EDEM1: variants seen among roughly 807,000 people sequenced by gnomAD.
EDEM1 encodes ER degradation enhancing alpha-mannosidase like protein 1, also known as ER degradation-enhancing alpha-mannosidase-like protein 1.
Under a neutral mutation model 74.4 loss-of-function variants are expected in EDEM1, and 67 were observed. The ratio of observed to expected loss-of-function variants is 0.90; its 90% CI spans 0.74 to 1.10. The LOEUF (loss-of-function observed/expected upper bound fraction) is 1.10, where lower values mean the gene tolerates loss of function less well. EDEM1 is among the 50% of genes least tolerant of loss of function. The pLI is 0.00. For synonymous variants in EDEM1, 382 were observed against 335.9 expected, an observed-to-expected ratio of 1.14 and a Z score of -1.50; for missense variants, 926 against 851.6, an observed-to-expected ratio of 1.09 and a Z score of -1.09.
rs1161853358 is a variant in EDEM1, at chr3:5,192,539, G to T, written c.510-2670G>T. Among the ~76,000 whole-genome samples, 3 of 152,190 alleles carry T rather than the reference G, an allele frequency of 2.0e-5. No homozygotes were observed. The East Asian group carries it at 5.8e-4, about 29-fold the overall frequency. ...TTGTACCTGGTGAAGTAAGTGGAGC[G>T]TTTAGTTGTGCGGTTCAGCCAGCTG... On this transcript the variant is annotated intron_variant, in intron 1 of 11. Transcript: ENST00000256497.
At chr3:5,214,441 T>A (rs1431178713) in intron 11 of EDEM1, among the ~76,000 whole-genome samples, 1 of 151,856 alleles carries the variant, frequency 6.6e-6, no homozygotes, top group African/African-American at 2.4e-5. Flanking sequence ...TAGGCCAGAG[T>A]GTAGATAACC....
chr3:5,187,800 G>T lies in EDEM1; in HGVS notation c.-6G>T, dbSNP rs1015578664. On this transcript the variant is annotated 5_prime_UTR_variant, in exon 1 of 12. Coordinates refer to ENST00000256497, the MANE Select transcript of EDEM1 (RefSeq NM_014674.3). ...TTAAAATAATGCCCGCGGCGCCCGC[G>T]CGACCATGCAATGGCGAGCGCTCGT... 1 of 1,550,516 alleles carries T rather than the reference G, an allele frequency of 6.4e-7. No homozygotes were observed. The highest frequency in any genetic ancestry group is 8.7e-7 in the Non-Finnish European group (1 of 1,147,314).
In EDEM1 at chr3:5,203,418, C is replaced by T. The variant is rs56013742; in HGVS notation, c.1042+269C>T. Among the ~76,000 whole-genome samples the T allele has an allele frequency of 6.8e-3, 1,042 of 152,160 alleles. 14 individuals carry two copies. The highest frequency in any genetic ancestry group is 0.024 in the African/African-American group (1,002 of 41,488). On this transcript the variant is annotated intron_variant, in intron 5 of 11. Transcript: ENST00000256497. ...TGAAAATTATTGTTAATGGAAATGCCGTAAAAAGAACTGCCTCTGAGGCAG... is the reference window on the plus strand; with the variant it reads ...TGAAAATTATTGTTAATGGAAATGCTGTAAAAAGAACTGCCTCTGAGGCAG...
At chr3:5,193,899 A>G (rs1308091615) in intron 1 of EDEM1, among the ~76,000 whole-genome samples, 1 of 152,210 alleles carries the variant, frequency 6.6e-6, no homozygotes, top group Non-Finnish European at 1.5e-5. Context: ...CACCCAGCCT[A>G]AAATTTTACT....
At chr3:5,205,832 C>G (rs1470385437) in intron 6 of EDEM1, among the ~76,000 whole-genome samples, 2 of 151,800 alleles carry the variant, frequency 1.3e-5, no homozygotes, top group South Asian at 2.1e-4. Flanking sequence ...ATTAGTCACC[C>G]AGATCAAAAT....
intron 8 of EDEM1, among the ~76,000 whole-genome samples, chr3:5,208,596 G>A (rs969348402): frequency 2.0e-5 from 3 of 152,084 alleles, no homozygotes; most frequent in Admixed American, 6.6e-5. Flanking sequence ...CAGAAGACCC[G>A]TTTTTAGGAT....
At chr3:5,194,690 G>C (rs1475729700) in intron 1 of EDEM1, among the ~76,000 whole-genome samples, 3 of 152,214 alleles carry the variant, frequency 2.0e-5, no homozygotes, top group Admixed American at 1.3e-4. Flanking sequence ...TGAAGAAATG[G>C]TGTAAAGAAG....
chr3:5,195,772 A>C (rs765925275), intron 2 of EDEM1, among the ~76,000 whole-genome samples: 3 of 152,116 alleles, frequency 2.0e-5, no homozygotes, highest in Non-Finnish European at 4.4e-5. Flanking sequence ...TTTTGTGGAC[A>C]CTCCATGCCT....
intron 11 of EDEM1, 103 bp downstream of exon 11, chr3:5,213,625 A>C (rs1174088823): frequency 8.7e-7 from 1 of 1,149,776 alleles, no homozygotes; most frequent in Non-Finnish European, 1.2e-6. Context: ...TGGTGTATGC[A>C]GATTGGGAGA....
At position 5,197,840 on chromosome 3, in the gene EDEM1, G is replaced by A. The variant is rs539783283; in HGVS notation, c.583-1752G>A. Among the ~76,000 whole-genome samples, 6 of 152,292 alleles carry A rather than the reference G, an allele frequency of 3.9e-5. No homozygotes were observed. In the South Asian group the frequency reaches 1.2e-3, roughly 32 times the overall value. ...AGAAATGTCTGTACTTACTCTGTAG[G>A]TTACAGCAAAATAACGATGAGGTGG... On this transcript the variant is annotated intron_variant, in intron 2 of 11. Transcript: ENST00000256497.
intron 1 of EDEM1, chr3:5,188,601 A>G (rs2054859479): frequency 2.8e-6 from 1 of 357,838 alleles, no homozygotes; most frequent in Non-Finnish European, 5.0e-6. Context: ...GTCCAGGACC[A>G]GAAGGGACAG....
At chr3:5,197,658 T>C (rs1047662442) in intron 2 of EDEM1, among the ~76,000 whole-genome samples, 2 of 152,230 alleles carry the variant, frequency 1.3e-5, no homozygotes, top group Admixed American at 1.3e-4. Flanking sequence ...ATTTTTCAGG[T>C]GTTACTTCTG....
At chr3:5,188,336 G>C in intron 1 of EDEM1, 22 bp downstream of exon 1, 1 of 1,406,688 alleles carries the variant, frequency 7.1e-7, no homozygotes, top group Non-Finnish European at 9.3e-7. Context: ...CCGCCGCCCG[G>C]GGCCGCGCGC....
rs945298309 is a variant in EDEM1, at chr3:5,217,873, C to T, written c.*1955C>T. 2.0e-5 allele frequency: 3 copies of T among 152,128 alleles called. No homozygotes were observed. Among genetic ancestry groups the T allele is most frequent in the Non-Finnish European group, 2.9e-5 (2 of 68,036 alleles). The allele number at this position is 152,128 out of a possible 1,614,324, so 9.4% of individuals were successfully genotyped here. A position where few individuals can be genotyped will look rare whatever the true frequency, so the allele number is the denominator to read the frequency against. On this transcript the variant is annotated 3_prime_UTR_variant, in exon 12 of 12. Coordinates refer to ENST00000256497, the MANE Select transcript of EDEM1 (RefSeq NM_014674.3). ...GGCAAACAGGTGGGACTGTTAGTGACCCATTTGGGAAAATAGAGCATCTCA... is the reference window on the plus strand; with the variant it reads ...GGCAAACAGGTGGGACTGTTAGTGATCCATTTGGGAAAATAGAGCATCTCA...
intron 1 of EDEM1, chr3:5,189,575 G>A (rs879313337): frequency 2.0e-5 from 3 of 151,808 alleles, no homozygotes; most frequent in African/African-American, 4.8e-5. Context: ...ATTAAATTTT[G>A]AAAAAAAAGT....
intron 2 of EDEM1, among the ~76,000 whole-genome samples, chr3:5,198,381 A>G (rs2054995140): frequency 6.6e-6 from 1 of 152,086 alleles, no homozygotes; most frequent in South Asian, 2.1e-4. Flanking sequence ...CACGGAATAT[A>G]CAGTTTACCT....
At chr3:5,207,410 C>A in intron 7 of EDEM1, 137 bp downstream of exon 7, 1 of 1,252,186 alleles carries the variant, frequency 8.0e-7, no homozygotes, top group Non-Finnish European at 1.1e-6. Flanking sequence ...ACGTCTTCAT[C>A]TCTCTGTTTG....
rs769322696 is a variant in EDEM1, at chr3:5,207,311, C to T, written c.1338+38C>T. 25 of 1,610,270 alleles carry T rather than the reference C, an allele frequency of 1.6e-5. No homozygotes were observed. In the South Asian group the frequency reaches 2.3e-4, roughly 15 times the overall value. On this transcript the variant is annotated intron_variant, in intron 7 of 11. Transcript: ENST00000256497. Reference sequence around the variant, plus strand: ...CAGATTTCCTAAGAATAACCAATCACCAGAAAGGGCTTCTCCCTCCTTTTC... The same window carrying T: ...CAGATTTCCTAAGAATAACCAATCATCAGAAAGGGCTTCTCCCTCCTTTTC...
At chr3:5,209,147 A>G (rs1465888116) in intron 8 of EDEM1, among the ~76,000 whole-genome samples, 1 of 152,178 alleles carries the variant, frequency 6.6e-6, no homozygotes, top group Non-Finnish European at 1.5e-5. Context: ...CAATTTTTTT[A>G]TACCAAATCC....
Sources: allele counts gnomAD v4.1 joint callset (sites outside exome capture counted in the v4.1 genomes callset), GRCh38; gene constraint gnomAD v4.1.1; transcripts MANE v1.5; gene names NCBI Gene and HGNC (gene_info 2026-07-23, HGNC 2026-07-21).